Variants in KSR1 observed in about 807,000 individuals in gnomAD.
KSR1 encodes the protein kinase suppressor of ras.
A neutral mutation model predicts 92.9 loss-of-function variants in KSR1; 35 were observed. The ratio of observed to expected loss-of-function variants is 0.38; its 90% CI spans 0.29 to 0.50. KSR1 has a LOEUF of 0.50. Among genes scored for constraint, KSR1 ranks in the 20% least tolerant of loss-of-function variants. KSR1 has a pLI of 0.94. For missense variants in KSR1, 972 were observed against 1,158.5 expected (o/e 0.84, Z 2.34); for synonymous variants, 467 against 472.6 (o/e 0.99, Z 0.15).
At chr17:27,563,749 T>C (rs1391654177) in intron 2 of KSR1, among the ~76,000 whole-genome samples, 1 of 152,158 alleles carries the variant, frequency 6.6e-6, no homozygotes, top group Non-Finnish European at 1.5e-5. Flanking sequence ...CCAGGGCCTT[T>C]GTATGTTCTG....
At chr17:27,507,433 G>A (rs1395876428) in intron 1 of KSR1, among the ~76,000 whole-genome samples, 2 of 151,552 alleles carry the variant, frequency 1.3e-5, no homozygotes, top group East Asian at 1.9e-4. Flanking sequence ...ACTTTGTCTC[G>A]AAGGAAAAAA....
chr17:27,566,642 T>G (rs2072085358), intron 2 of KSR1: 2 of 398,570 alleles, frequency 5.0e-6, no homozygotes, highest in Admixed American at 8.8e-5. Context: ...TTTGCTAGAC[T>G]CTGAGTCCCT....
intron 7 of KSR1, 60 bp downstream of exon 7, chr17:27,590,954 G>A (rs965467114): frequency 7.0e-7 from 1 of 1,428,452 alleles, no homozygotes; most frequent in Admixed American, 1.9e-5. Context: ...TAAATCAAAT[G>A]CGCTTCCCTA....
rs1365304477 is a variant in KSR1, at chr17:27,459,141, G to A, written c.231+2267G>A. The stretch of plus-strand genomic sequence containing the variant: ...GGCTTTCATACTGGGCCTGGGTTCT[G>A]TCTGTGTGACCTTAGGCAAGTCCCA... On this transcript the variant is annotated intron_variant, in intron 1 of 20. Coordinates refer to ENST00000644974, the MANE Select transcript of KSR1 (RefSeq NM_001394583.1). This position sits in a 1 kb window ranked among gnomAD's most constrained non-coding sequence, Gnocchi z 4.6. Among the ~76,000 whole-genome samples, 1 of 152,210 alleles carries A rather than the reference G, an allele frequency of 6.6e-6. No individual in the cohort carries two copies. The highest frequency in any genetic ancestry group is 1.5e-5 in the Non-Finnish European group (1 of 68,042).
At chr17:27,583,731 C>CA (rs2072865984) in intron 4 of KSR1, among the ~76,000 whole-genome samples, 1 of 152,258 alleles carries the variant, frequency 6.6e-6, no homozygotes, top group Admixed American at 6.5e-5. Flanking sequence ...CTTGGTATCT[C>CA]TGAGAACATC....
intron 18 of KSR1, among the ~76,000 whole-genome samples, chr17:27,612,178 A>C (rs2073938967): frequency 6.6e-6 from 1 of 152,226 alleles, no homozygotes; most frequent in African/African-American, 2.4e-5. Flanking sequence ...TGTCAGGCTA[A>C]ATAAGAGAGA....
intron 1 of KSR1, among the ~76,000 whole-genome samples, chr17:27,524,219 G>A (rs2070155048): frequency 6.6e-6 from 1 of 152,046 alleles, no homozygotes. Flanking sequence ...GGGTGGGCAT[G>A]TCTGGGAGGA....
At chr17:27,484,367 G>A (rs867510283) in intron 1 of KSR1, among the ~76,000 whole-genome samples, 1 of 152,196 alleles carries the variant, frequency 6.6e-6, no homozygotes, top group African/African-American at 2.4e-5. Flanking sequence ...GAGTTGCTGG[G>A]ATTACAGGTG....
At chr17:27,570,690 G>A (rs1275158250) in intron 2 of KSR1, among the ~76,000 whole-genome samples, 1 of 152,176 alleles carries the variant, frequency 6.6e-6, no homozygotes, top group Non-Finnish European at 1.5e-5. Context: ...CTGTGAGTTT[G>A]GGCTGGGCTC....
At chr17:27,556,108 A>G (rs931133041) in intron 2 of KSR1, among the ~76,000 whole-genome samples, 1 of 152,236 alleles carries the variant, frequency 6.6e-6, no homozygotes, top group Non-Finnish European at 1.5e-5. Context: ...GTGTATTTCT[A>G]CAGGGAAAAA....
intron 1 of KSR1, among the ~76,000 whole-genome samples, chr17:27,541,342 A>T (rs1018898789): frequency 6.6e-6 from 1 of 152,222 alleles, no homozygotes; most frequent in Non-Finnish European, 1.5e-5. Context: ...ATCTTCTTAA[A>T]AGGGATGGCC....
In KSR1 at chr17:27,604,717, C is replaced by T; in HGVS notation, c.1603C>T (p.His535Tyr). 6.2e-7 allele frequency: 1 copy of T among 1,614,044 alleles called. No individual in the cohort carries two copies. The highest frequency in any genetic ancestry group is 1.3e-5 in the African/African-American group (1 of 75,072). ...GCCGAAAGCAGATGTGTTGGAAGCT[C>T]ACGAAGCGGAGGTGAGGGTGACACA... Reference protein sequence around the residue: ...DQPKADVLEAHEAEAEEPEAG... With the variant: ...DQPKADVLEAYEAEAEEPEAG... Residue 535 changes from histidine to tyrosine, a missense_variant, in exon 13 of 21, where the codon CAC becomes TAC. Physicochemically the swap from His to Tyr is moderately conservative, Grantham distance 83. This residue lies in a region of KSR1 where 611 missense variants were observed against 668.0 expected (regional missense o/e 0.91). Transcript: ENST00000644974.
intron 1 of KSR1, among the ~76,000 whole-genome samples, chr17:27,512,031 C>G (rs1375564242): frequency 1.3e-5 from 2 of 152,134 alleles, no homozygotes; most frequent in Non-Finnish European, 2.9e-5. Context: ...TAGCTTGAGC[C>G]GACTCTTCAG....
intron 2 of KSR1, among the ~76,000 whole-genome samples, chr17:27,562,455 C>T (rs979206155): frequency 1.3e-5 from 2 of 152,150 alleles, no homozygotes; most frequent in African/African-American, 4.8e-5. Flanking sequence ...CCCAGGGCTC[C>T]GAAACTGCCT....
At position 27,456,733 on chromosome 17, in the gene KSR1, AG is replaced by A; in HGVS notation, c.94del (p.Ala32ProfsTer61). On this transcript the variant is annotated frameshift_variant, in exon 1 of 21. Transcript: ENST00000644974. LOFTEE classifies it high-confidence loss of function. ...ATGCGGCGGCCGCGGAGGGAGGCGC[AG>A]GGGCCGCGGCCAGCCGGGCGCTGCA... ...GDAAAAEGGAGAAASRALQQC... is the reference protein window; with the variant it reads ...GDAAAAEGGAXAAASRALQQC... 2 of 1,375,346 alleles carry A rather than the reference AG, an allele frequency of 1.5e-6. No homozygotes were observed. Among genetic ancestry groups the A allele is most frequent in the Non-Finnish European group, 2.0e-6 (2 of 983,336 alleles). The allele number at this position is 1,375,346 out of a possible 1,614,324, so 85.2% of individuals were successfully genotyped here.
At position 27,597,332 on chromosome 17, in the gene KSR1, C is replaced by T; in HGVS notation, c.1364C>T (p.Thr455Ile). The change falls in exon 10 of 21, where the codon ACA becomes ATA. Residue 455 changes from threonine to isoleucine, a missense_variant. Around this residue, in one of 5 missense-constraint regions of KSR1, gnomAD observed 611 missense variants for 668.0 expected, o/e 0.91. Transcript: ENST00000644974. ...SSNPSSTTSS[T>I]PSSPAPFPTS... is the part of the protein sequence containing the mutation. Reference sequence around the variant, plus strand: ...AACCCTTCCTCCACCACCTCCTCCACACCCTCCTCACCGGCGCCCTTCCCG... The same window carrying T: ...AACCCTTCCTCCACCACCTCCTCCATACCCTCCTCACCGGCGCCCTTCCCG... 6.2e-7 allele frequency: 1 copy of T among 1,612,098 alleles called. No individual in the cohort carries two copies. The highest frequency in any genetic ancestry group is 8.5e-7 in the Non-Finnish European group (1 of 1,179,106).
intron 20 of KSR1, 127 bp from the exon 21 acceptor site, chr17:27,623,187 C>G (rs2074272281): frequency 1.4e-6 from 1 of 693,070 alleles, no homozygotes; most frequent in African/African-American, 1.8e-5. Context: ...GGGCTGTTGG[C>G]CAATCAGTCA....
At chr17:27,498,894 A>C (rs1410781873) in intron 1 of KSR1, among the ~76,000 whole-genome samples, 1 of 152,214 alleles carries the variant, frequency 6.6e-6, no homozygotes, top group African/African-American at 2.4e-5. Context: ...TTGAGGAAGA[A>C]GCAAAGGGCG....
chr17:27,622,218 G>T, intron 20 of KSR1: 1 of 508,084 alleles, frequency 2.0e-6, no homozygotes, highest in Non-Finnish European at 3.5e-6. Context: ...TACCTTCCTG[G>T]ACATGACTGA....
Sources: allele counts gnomAD v4.1 joint callset (sites outside exome capture counted in the v4.1 genomes callset), GRCh38; gene constraint gnomAD v4.1.1; regional missense constraint gnomAD v4.1.1; non-coding constraint Gnocchi (gnomAD v3.1); transcripts MANE v1.5; gene names NCBI Gene and HGNC (gene_info 2026-07-23, HGNC 2026-07-21).